LRRD1: variants seen among roughly 807,000 people sequenced by gnomAD.
LRRD1 encodes the protein leucine-rich repeat and death domain-containing protein 1.
In LRRD1, 49 loss-of-function variants were observed where a neutral mutation model predicts 69.5. The observed-to-expected ratio is 0.70, with a 90% CI of 0.56 to 0.89. LRRD1 has a LOEUF of 0.89. Ranked by LOEUF, LRRD1 falls within the 40% of genes least tolerant of loss-of-function variation. The pLI is 0.00. For synonymous variants in LRRD1, 303 were observed against 338.9 expected, an observed-to-expected ratio of 0.89 and a Z score of 1.16; for missense variants, 853 against 956.0, an observed-to-expected ratio of 0.89 and a Z score of 1.42.
At chr7:92,159,620 CTTTT>C (rs1183950471) in intron 2 of LRRD1, among the ~76,000 whole-genome samples, 2 of 112,164 alleles carry the variant, frequency 1.8e-5, no homozygotes, top group African/African-American at 3.4e-5. Flanking sequence ...ATCAACATTG[CTTTT>C]TTTTTTTTTT....
rs1440734335 is a variant in LRRD1 at position 92,163,460 on chromosome 7, C to T, written c.1743G>A (p.Leu581=). The T allele has an allele frequency of 6.5e-7, 1 of 1,541,304 alleles. No individual in the cohort carries two copies. The highest frequency in any genetic ancestry group is 1.2e-5 in the South Asian group (1 of 82,574). ...FPRELCTLEN[L]QVLDLSENQL... is the part of the protein sequence containing the mutation. ...GGTTTTCCGAAAGATCAAGTACTTG[C>T]AAATTTTCTAAAGTACACAATTCTC... Residue 581 remains leucine (L), a synonymous_variant, in exon 2 of 6, where the codon TTG becomes TTA. Transcript: ENST00000458448.
At chr7:92,171,964 C>T (rs1277783741) in intron 1 of LRRD1, among the ~76,000 whole-genome samples, 1 of 152,058 alleles carries the variant, frequency 6.6e-6, no homozygotes, top group African/African-American at 2.4e-5. Context: ...CAATAAAATT[C>T]AACATCCCAA....
At chr7:92,172,627 T>C (rs1789081364) in intron 1 of LRRD1, among the ~76,000 whole-genome samples, 1 of 151,872 alleles carries the variant, frequency 6.6e-6, no homozygotes. Context: ...GGAATCAATT[T>C]AACCAAAGAA....
downstream of LRRD1, chr7:92,142,512 G>C (rs2130970765): frequency 2.2e-6 from 1 of 456,706 alleles, no homozygotes; most frequent in Non-Finnish European, 4.4e-6. Context: ...AGATCCAAAA[G>C]AAACTGTTAA....
chr7:92,148,351 C>T (rs1203584544), intron 4 of LRRD1, among the ~76,000 whole-genome samples: 1 of 152,166 alleles, frequency 6.6e-6, no homozygotes, highest in Non-Finnish European at 1.5e-5. Flanking sequence ...GAACTACAGG[C>T]ATGAGCCACT....
chr7:92,146,614 C>CAAA (rs35072020), intron 4 of LRRD1, among the ~76,000 whole-genome samples: 2 of 130,846 alleles, frequency 1.5e-5, no homozygotes, highest in African/African-American at 5.6e-5. Flanking sequence ...AAGACTGTCT[C>CAAA]AAAAAAAAAA....
intron 1 of LRRD1, among the ~76,000 whole-genome samples, chr7:92,167,341 G>A (rs1012517653): frequency 5.3e-5 from 8 of 151,736 alleles, no homozygotes; most frequent in African/African-American, 9.7e-5. Context: ...TGATCCATCC[G>A]CCTCAGCCTC....
At chr7:92,170,566 TTGTC>T (rs1057487163) in intron 1 of LRRD1, among the ~76,000 whole-genome samples, 1 of 152,210 alleles carries the variant, frequency 6.6e-6, no homozygotes, top group African/African-American at 2.4e-5. Flanking sequence ...GCGTTCTAAT[TTGTC>T]TGGCAACAGA....
intron 1 of LRRD1, among the ~76,000 whole-genome samples, chr7:92,169,484 C>G (rs573431683): frequency 6.6e-6 from 1 of 151,788 alleles, no homozygotes; most frequent in Admixed American, 6.6e-5. Flanking sequence ...AATCCCATCT[C>G]TACTAAAAAT....
chr7:92,150,203 C>T (rs115784957), intron 4 of LRRD1, among the ~76,000 whole-genome samples: 1,603 of 152,282 alleles, frequency 0.011, 25 homozygotes, highest in African/African-American at 0.037. Context: ...TGGTGGCTCA[C>T]GCCCGTAATC....
At chr7:92,172,811 G>C (rs1789085613) in intron 1 of LRRD1, among the ~76,000 whole-genome samples, 1 of 151,910 alleles carries the variant, frequency 6.6e-6, no homozygotes, top group South Asian at 2.1e-4. Context: ...AAATACCAAT[G>C]ACATTCTTCA....
At chr7:92,143,829 A>G (rs1230510726), downstream of LRRD1, among the ~76,000 whole-genome samples, 1 of 152,274 alleles carries the variant, frequency 6.6e-6, no homozygotes, top group Non-Finnish European at 1.5e-5. Context: ...GAGCCCAGGC[A>G]GAGGAGGCGC....
chr7:92,177,051 AATAAT>A (rs200875835), intron 1 of LRRD1, among the ~76,000 whole-genome samples: 2,072 of 149,280 alleles, frequency 0.014, 24 homozygotes, highest in Non-Finnish European at 0.022. Flanking sequence ...ATGATATATA[AATAAT>A]ATATTACTAA....
chr7:92,163,685 T>C lies in LRRD1; in HGVS notation c.1518A>G (p.Ile506Met). The part of the protein sequence containing the change: ...GNYISEIPVD[I>M]SFSKQLLHLE... ...AATGAAGCAGTTGTTTACTGAAAGA[T>C]ATATCCACAGGTATTTCTGAAATAT... Residue 506 changes from isoleucine to methionine, a missense_variant, in exon 2 of 6, where the codon ATA (isoleucine) becomes ATG (methionine). Physicochemically the swap from Ile to Met is conservative, Grantham distance 10. Coordinates refer to ENST00000458448, the MANE Select transcript of LRRD1 (RefSeq NM_001161528.2). The C allele has an allele frequency of 1.3e-6, 2 of 1,498,804 alleles. No homozygotes were observed. The highest frequency in any genetic ancestry group is 2.7e-5 in the South Asian group (2 of 74,744). The allele number at this position is 1,498,804 out of a possible 1,614,324, so 92.8% of individuals were successfully genotyped here. A position where few individuals can be genotyped will look rare whatever the true frequency, so the allele number is the denominator to read the frequency against.
Position 92,152,023 on chromosome 7 carries a change from T to G in LRRD1, c.2117-1328A>C, listed in dbSNP as rs1820481054. The stretch of plus-strand genomic sequence containing the variant: ...CATTTAGAGAGGCCTAAAATTTGCC[T>G]TTATATTATTTATATATTTTATAGT... On this transcript the variant is annotated intron_variant, in intron 3 of 5. Transcript: ENST00000458448. Among the ~76,000 whole-genome samples, 3 of 149,868 alleles carry G rather than the reference T, an allele frequency of 2.0e-5. No individual in the cohort carries two copies. In the South Asian group the frequency reaches 6.2e-4, roughly 31 times the overall value.
chr7:92,148,574 T>C (rs1438588221), intron 4 of LRRD1, among the ~76,000 whole-genome samples: 3 of 152,170 alleles, frequency 2.0e-5, no homozygotes, highest in Non-Finnish European at 2.9e-5. Flanking sequence ...TACTGATTTC[T>C]TTCTGCCCTC....
rs1340433584 is a variant in LRRD1, at chr7:92,164,969, A to G, written c.234T>C (p.Asn78=). The G allele has an allele frequency of 2.6e-6, 4 of 1,551,312 alleles. No individual in the cohort carries two copies. The South Asian group carries it at 3.6e-5, about 14-fold the overall frequency. ...ATTGAAGATTTTTCTTTTGTTCTTC[A>G]TTTCTCTTAGACTTCCTTCCAGAGG... is the stretch of plus-strand genomic sequence containing the variant. ...TSSSGRKSKR[N]EEQKKNLQFS... The change falls in exon 2 of 6, where the codon AAT becomes AAC. Residue 78 remains asparagine (N), a synonymous_variant. Transcript: ENST00000458448.
At chr7:92,160,711 C>T (rs894900455) in intron 2 of LRRD1, among the ~76,000 whole-genome samples, 2 of 151,814 alleles carry the variant, frequency 1.3e-5, no homozygotes, top group Admixed American at 6.6e-5. Flanking sequence ...TACTCAGGAG[C>T]CTGAGGCAGG....
At chr7:92,173,373 C>T (rs748009407) in intron 1 of LRRD1, among the ~76,000 whole-genome samples, 10 of 152,120 alleles carry the variant, frequency 6.6e-5, no homozygotes, top group Non-Finnish European at 1.5e-4. Context: ...AAAGCTTCTG[C>T]GCAGCAAAGG....
Sources: allele counts gnomAD v4.1 joint callset (sites outside exome capture counted in the v4.1 genomes callset), GRCh38; gene constraint gnomAD v4.1.1; transcripts MANE v1.5; gene names NCBI Gene and HGNC (gene_info 2026-07-23, HGNC 2026-07-21).